Variants in RYR3 observed in about 807,000 individuals in gnomAD.
RYR3 encodes the protein ryanodine receptor 3.
A neutral mutation model predicts 584.3 loss-of-function variants in RYR3; 207 were observed. That is an observed-to-expected ratio of 0.35 (90% CI 0.32 to 0.40). The LOEUF is 0.40. Among genes scored for constraint, RYR3 ranks in the 10% least tolerant of loss-of-function variants. The pLI is 1.00. For synonymous variants in RYR3, 2,416 were observed against 2,248.5 expected (o/e 1.07, Z -2.11); for missense variants, 5,616 against 6,089.2 (o/e 0.92, Z 2.59).
At chr15:33,628,293 G>C (rs1359453016) in intron 20 of RYR3, among the ~76,000 whole-genome samples, 178 bp from the exon 21 acceptor site, 1 of 152,118 alleles carries the variant, frequency 6.6e-6, no homozygotes, top group Non-Finnish European at 1.5e-5. Flanking sequence ...GGAGCAGAGA[G>C]GAAGCCAAGA....
chr15:33,329,299 C>T (rs1189365582), intron 1 of RYR3, among the ~76,000 whole-genome samples: 2 of 152,142 alleles, frequency 1.3e-5, no homozygotes, highest in Non-Finnish European at 2.9e-5. Context: ...TTAATTTTGT[C>T]ATCTAAGATA....
chr15:33,653,343 A>G (rs568417769), intron 32 of RYR3, among the ~76,000 whole-genome samples: 1 of 152,336 alleles, frequency 6.6e-6, no homozygotes, highest in Admixed American at 6.5e-5. Context: ...AAGGTTATCC[A>G]CATTCCCTAT....
intron 99 of RYR3, 150 bp downstream of exon 99, chr15:33,858,064 G>A: frequency 1.9e-6 from 2 of 1,036,290 alleles, no homozygotes; most frequent in South Asian, 1.7e-5. Flanking sequence ...GAAGACAGAT[G>A]TCTTCTCCAA....
rs139209931 is a variant in RYR3, at chr15:33,668,965, A to C, written c.5620-389A>C. 3.9e-5 allele frequency among the ~76,000 whole-genome samples: 6 copies of C among 152,300 alleles called. No homozygotes were observed. The East Asian group carries it at 1.2e-3, about 29-fold the overall frequency. On this transcript the variant is annotated intron_variant, in intron 36 of 103. Coordinates refer to ENST00000634891, the MANE Select transcript of RYR3 (RefSeq NM_001036.6). The stretch of plus-strand genomic sequence containing the variant: ...CAATGCACCTATTAAAAATTGGATT[A>C]AGAAAGTAAGAAAATGTTCAAGTAA...
intron 7 of RYR3, among the ~76,000 whole-genome samples, chr15:33,542,470 T>C (rs2055899734): frequency 6.6e-6 from 1 of 152,120 alleles, no homozygotes; most frequent in African/African-American, 2.4e-5. Flanking sequence ...TCATTTTTAA[T>C]GCAAAGGAGG....
chr15:33,690,178 C>T (rs1168909668), intron 38 of RYR3, among the ~76,000 whole-genome samples: 1 of 152,200 alleles, frequency 6.6e-6, no homozygotes, highest in Non-Finnish European at 1.5e-5. Flanking sequence ...TTAAGTGCCT[C>T]CCTCTCCAGC....
chr15:33,785,545 G>A (rs1333781366), intron 65 of RYR3, 117 bp from the exon 66 acceptor site: 5 of 816,150 alleles, frequency 6.1e-6, no homozygotes, highest in Non-Finnish European at 5.6e-6. Flanking sequence ...CAAGCTCACT[G>A]CTGTGAAGCT....
intron 1 of RYR3, among the ~76,000 whole-genome samples, chr15:33,342,038 C>T (rs1457458473): frequency 2.6e-5 from 4 of 152,082 alleles, no homozygotes; most frequent in Admixed American, 6.6e-5. Flanking sequence ...CTACTTAGCT[C>T]GAGAAACGAA....
rs1334605608 is a variant in RYR3 at position 33,636,280 on chromosome 15, C to G, written c.3382-96C>G. 3 of 1,041,296 alleles carry G rather than the reference C, an allele frequency of 2.9e-6. No homozygotes were observed. In the African/African-American group the frequency reaches 4.8e-5, roughly 17 times the overall value. 64.5% of individuals were successfully genotyped at this position (1,041,296 alleles called of 1,614,324 possible). Reference sequence around the variant, plus strand: ...GTGTCCCCTAGAAATCATGTAACCACTACTAGTTAGGAGATATCGAAGATA... The same window carrying G: ...GTGTCCCCTAGAAATCATGTAACCAGTACTAGTTAGGAGATATCGAAGATA... On this transcript the variant is annotated intron_variant, in intron 26 of 103. Coordinates refer to ENST00000634891, the MANE Select transcript of RYR3 (RefSeq NM_001036.6).
At chr15:33,628,401 C>G (rs2061102000) in intron 20 of RYR3, 70 bp from the exon 21 acceptor site, 1 of 1,111,814 alleles carries the variant, frequency 9.0e-7, no homozygotes, top group Admixed American at 1.8e-5. Flanking sequence ...AAGTGGGGTG[C>G]CCAGCTCCTA....
chr15:33,662,427 A>G lies in RYR3; in HGVS notation c.4897A>G (p.Ile1633Val). 9 of 1,613,952 alleles carry G rather than the reference A, an allele frequency of 5.6e-6. No homozygotes were observed. The highest frequency in any genetic ancestry group is 7.6e-6 in the Non-Finnish European group (9 of 1,179,858). Residue 1633 changes from isoleucine (I) to valine (V), a missense_variant, in exon 35 of 104, where the codon ATT becomes GTT. Physicochemically the swap from Ile to Val is conservative, Grantham distance 29. Transcript: ENST00000634891. ...LMMKNEYIIP[I>V]TSTTRNIRLF... Reference sequence around the variant, plus strand: ...GATGAAGAACGAGTACATCATCCCCATTACCAGCACCACCAGGAATATCCG... The same window carrying G: ...GATGAAGAACGAGTACATCATCCCCGTTACCAGCACCACCAGGAATATCCG...
intron 1 of RYR3, among the ~76,000 whole-genome samples, chr15:33,464,592 G>T (rs959675115): frequency 6.8e-6 from 1 of 147,190 alleles, no homozygotes; most frequent in Non-Finnish European, 1.5e-5. Context: ...TGTATATAAT[G>T]CATTTCCTAT....
chr15:33,744,364 C>G (rs1326599811), intron 52 of RYR3, among the ~76,000 whole-genome samples: 3 of 152,148 alleles, frequency 2.0e-5, no homozygotes, highest in African/African-American at 7.2e-5. Flanking sequence ...ATTGATATCT[C>G]TTTCTGCCAC....
At chr15:33,513,007 C>G (rs746794423) in intron 3 of RYR3, among the ~76,000 whole-genome samples, 1 of 152,148 alleles carries the variant, frequency 6.6e-6, no homozygotes, top group African/African-American at 2.4e-5. Context: ...TGAATTTCAG[C>G]TGCGTTTCTG....
chr15:33,665,639 CCTCCATACCTTCTGCTGT>C (rs2063454217), intron 36 of RYR3, among the ~76,000 whole-genome samples: 1 of 152,206 alleles, frequency 6.6e-6, no homozygotes, highest in Admixed American at 6.5e-5. Context: ...CCCCATTCTG[CCTCCATACCTTCTGCTGT>C]CTCTTGGGCT....
intron 1 of RYR3, among the ~76,000 whole-genome samples, chr15:33,321,441 T>C (rs1049003795): frequency 2.0e-5 from 3 of 152,222 alleles, no homozygotes; most frequent in African/African-American, 7.2e-5. Flanking sequence ...TTTTTCCCTC[T>C]GCTTTCCATG....
At chr15:33,583,651 G>A (rs2058699769) in intron 14 of RYR3, among the ~76,000 whole-genome samples, 1 of 152,148 alleles carries the variant, frequency 6.6e-6, no homozygotes, top group African/African-American at 2.4e-5. Context: ...TGGGTGTGGT[G>A]GTTCACACCT....
chr15:33,624,180 G>A (rs1160347708), intron 20 of RYR3, among the ~76,000 whole-genome samples, 157 bp downstream of exon 20: 2 of 152,228 alleles, frequency 1.3e-5, no homozygotes, highest in East Asian at 1.9e-4. Context: ...CACCATGTGT[G>A]TCAATTGGGT....
rs749269444 is a variant in RYR3 at position 33,768,639 on chromosome 15, G to T, written c.8706-19G>T. 5 of 1,612,888 alleles carry T rather than the reference G, an allele frequency of 3.1e-6. No homozygotes were observed. The African/African-American group carries it at 6.7e-5, about 22-fold the overall frequency. ...TTTAATCTCTGTGACTTTCTGAATT[G>T]CTTTCTTTTCTGCTTCAGCCTGTTC... On this transcript the variant is annotated intron_variant, in intron 60 of 103. Coordinates refer to ENST00000634891, the MANE Select transcript of RYR3 (RefSeq NM_001036.6).
Sources: gnomAD v4.1 joint callset for allele counts (sites outside exome capture counted in the v4.1 genomes callset) on GRCh38, gnomAD v4.1.1 for gene constraint, MANE v1.5 for transcripts, NCBI Gene and HGNC (gene_info 2026-07-23, HGNC 2026-07-21) for gene names.